Variants in FAM174A observed in about 807,000 individuals in gnomAD.
The protein encoded by FAM174A is family with sequence similarity 174 member A.
Under a neutral mutation model 14.3 loss-of-function variants are expected in FAM174A, and 14 were observed. That is an observed-to-expected ratio of 0.98 (90% confidence interval 0.65 to 1.53). FAM174A has a LOEUF of 1.53. Among genes scored for constraint, FAM174A ranks in the 40% most tolerant of loss-of-function variants. FAM174A has a pLI of 0.00. For synonymous variants in FAM174A, 108 were observed against 111.4 expected (o/e 0.97, Z 0.19); for missense variants, 241 against 249.6 (o/e 0.97, Z 0.23).
At chr5:100,546,823 T>G (rs1182913334) in intron 1 of FAM174A, among the ~76,000 whole-genome samples, 1 of 152,206 alleles carries the variant, frequency 6.6e-6, no homozygotes, top group African/African-American at 2.4e-5. Flanking sequence ...TTACCTGTTC[T>G]TATTTTCTTC....
At chr5:100,566,848 T>G (rs1023998389) in intron 2 of FAM174A, among the ~76,000 whole-genome samples, 1 of 151,842 alleles carries the variant, frequency 6.6e-6, no homozygotes, top group African/African-American at 2.4e-5. Flanking sequence ...TTTTGAAAAT[T>G]TTAAGACAAG....
At chr5:100,544,264 A>G (rs980436244) in intron 1 of FAM174A, among the ~76,000 whole-genome samples, 2 of 152,096 alleles carry the variant, frequency 1.3e-5, no homozygotes, top group African/African-American at 4.8e-5. Flanking sequence ...CAAGAAACTG[A>G]AGTGAATCAC....
At chr5:100,579,419 G>A (rs1305396361) in intron 2 of FAM174A, among the ~76,000 whole-genome samples, 3 of 151,882 alleles carry the variant, frequency 2.0e-5, no homozygotes, top group African/African-American at 7.2e-5. Context: ...GTGAAATTAT[G>A]TAGCGATTTT....
rs1452329848 is a variant in FAM174A, at chr5:100,535,552, T to C, written c.22T>C (p.Cys8Arg). 6.2e-7 allele frequency: 1 copy of C among 1,613,168 alleles called. No individual in the cohort carries two copies. The highest frequency in any genetic ancestry group is 1.1e-5 in the South Asian group (1 of 91,088). The change falls in exon 1 of 3, where the codon TGC becomes CGC. Residue 8 changes from cysteine (C) to arginine (R), a missense_variant. By Grantham distance (180) the Cys-to-Arg change is radical. Coordinates refer to ENST00000312637, the MANE Select transcript of FAM174A (RefSeq NM_198507.3). ...AACGATGAAGGCCTCGCAGTGCTGC[T>C]GCTGTCTCAGCCACCTCTTGGCTTC... MKASQCC[C>R]CLSHLLASVL...
At position 100,562,131 on chromosome 5, in the gene FAM174A, T is replaced by C. The variant is rs1746537026; in HGVS notation, c.512T>C (p.Leu171Ser). Residue 171 changes from leucine to serine, a missense_variant, in exon 2 of 3, where the codon TTA becomes TCA. Physicochemically the swap from Leu to Ser is moderately radical, Grantham distance 145. Coordinates refer to ENST00000312637, the MANE Select transcript of FAM174A (RefSeq NM_198507.3). ...ATAGAAAATATGGAATTGACACCTT[T>C]AGAACAGGATGATGAGGATGATGAC... is the stretch of plus-strand genomic sequence containing the variant. ...TNIENMELTP[L>S]EQDDEDDDNT... 6.3e-7 allele frequency: 1 copy of C among 1,589,500 alleles called. No homozygotes were observed. The highest frequency in any genetic ancestry group is 1.4e-5 in the African/African-American group (1 of 72,738).
intron 1 of FAM174A, among the ~76,000 whole-genome samples, chr5:100,559,951 C>T (rs1338524595): frequency 6.6e-6 from 1 of 151,366 alleles, no homozygotes. Flanking sequence ...CTCAACTCGT[C>T]AAAGTCATTC....
intron 2 of FAM174A, among the ~76,000 whole-genome samples, chr5:100,565,176 T>C (rs1269473439): frequency 2.0e-5 from 3 of 151,838 alleles, no homozygotes; most frequent in Non-Finnish European, 4.4e-5. Flanking sequence ...TTAAGTGGGA[T>C]TTGTCCCTGG....
At chr5:100,582,372 A>C (rs1747036678) in intron 2 of FAM174A, among the ~76,000 whole-genome samples, 1 of 152,152 alleles carries the variant, frequency 6.6e-6, no homozygotes, top group South Asian at 2.1e-4. Flanking sequence ...GATAAGATGA[A>C]AAAGAGCATT....
chr5:100,579,890 A>G (rs1196701616), intron 2 of FAM174A, among the ~76,000 whole-genome samples: 1 of 152,122 alleles, frequency 6.6e-6, no homozygotes, highest in East Asian at 1.9e-4. Flanking sequence ...TATCCAGGGT[A>G]TCTTTCCATC....
chr5:100,535,733 G>A lies in FAM174A; in HGVS notation c.203G>A (p.Arg68His), dbSNP rs1353013476. 2 of 1,604,410 alleles carry A rather than the reference G, an allele frequency of 1.2e-6. No homozygotes were observed. Among genetic ancestry groups the A allele is most frequent in the African/African-American group, 1.3e-5 (1 of 74,946 alleles). ...PGPTPAQQPG[R>H]GLAEAAGPRG... is the part of the protein sequence containing the mutation. ...CCTACCCCTGCCCAGCAGCCGGGCC[G>A]TGGTCTGGCTGAAGCTGCGGGGCCG... Residue 68 changes from arginine to histidine, a missense_variant, in exon 1 of 3, where the codon CGT becomes CAT. Arg to His is a conservative substitution (Grantham distance 29). Transcript: ENST00000312637.
intron 1 of FAM174A, among the ~76,000 whole-genome samples, chr5:100,548,767 C>T (rs1453805684): frequency 6.6e-6 from 1 of 152,082 alleles, no homozygotes; most frequent in Non-Finnish European, 1.5e-5. Flanking sequence ...GGCATATGTG[C>T]ATGCGCAGAA....
intron 2 of FAM174A, among the ~76,000 whole-genome samples, chr5:100,575,990 A>G (rs1259818922): frequency 1.3e-5 from 2 of 152,194 alleles, no homozygotes; most frequent in East Asian, 1.9e-4. Flanking sequence ...TCCAAATTCT[A>G]TCCACAGAAT....
chr5:100,557,030 A>G (rs1561316909), intron 1 of FAM174A, among the ~76,000 whole-genome samples: 2 of 152,168 alleles, frequency 1.3e-5, no homozygotes, highest in Non-Finnish European at 2.9e-5. Flanking sequence ...CAGTTTTCAA[A>G]GGGAATGCTT....
chr5:100,571,691 T>TATATAC (rs1320690709), intron 2 of FAM174A, among the ~76,000 whole-genome samples: 35 of 146,600 alleles, frequency 2.4e-4, no homozygotes, highest in African/African-American at 8.7e-4. Flanking sequence ...TATATATATA[T>TATATAC]ACACACACAC....
chr5:100,551,832 G>C (rs145411418), intron 1 of FAM174A, among the ~76,000 whole-genome samples: 4 of 152,074 alleles, frequency 2.6e-5, no homozygotes, highest in Non-Finnish European at 5.9e-5. Context: ...GCCTGTGTGC[G>C]TGTCTGTCTC....
rs115578691 is a variant in FAM174A, at chr5:100,554,923, G to A, written c.435-7131G>A. 6.9e-3 allele frequency among the ~76,000 whole-genome samples: 1,045 copies of A among 151,794 alleles called. 15 individuals are homozygous for A. The highest frequency in any genetic ancestry group is 0.024 in the African/African-American group (1,001 of 41,424). ...TTTTTTTAAATTTTGGATGGGTTGC[G>A]TAGCTTCTTTTTTTTTAATTATACT... On this transcript the variant is annotated intron_variant, in intron 1 of 2. Transcript: ENST00000312637.
chr5:100,539,587 A>G lies in FAM174A; in HGVS notation c.434+3623A>G, dbSNP rs547312210. On this transcript the variant is annotated intron_variant, in intron 1 of 2. Transcript: ENST00000312637. Reference sequence around the variant, plus strand: ...TACCGCATACTTTATGTGCATTTTGAAATTCTTGCAAAAACCTTCAAAGTA... The same window carrying G: ...TACCGCATACTTTATGTGCATTTTGGAATTCTTGCAAAAACCTTCAAAGTA... 5.3e-5 allele frequency among the ~76,000 whole-genome samples: 8 copies of G among 152,244 alleles called. No individual in the cohort carries two copies. The South Asian group carries it at 1.7e-3, about 32-fold the overall frequency.
intron 2 of FAM174A, among the ~76,000 whole-genome samples, chr5:100,573,451 A>G (rs1418241526): frequency 1.3e-5 from 2 of 152,100 alleles, no homozygotes; most frequent in East Asian, 3.9e-4. Context: ...GAAGGGATCC[A>G]GTTTCAGCTT....
chr5:100,561,829 G>A (rs1296572863), intron 1 of FAM174A, among the ~76,000 whole-genome samples: 1 of 151,822 alleles, frequency 6.6e-6, no homozygotes, highest in Non-Finnish European at 1.5e-5. Context: ...ACAGAGAGAA[G>A]AGAGTATGTC....
Sources: gnomAD v4.1 joint callset for allele counts (sites outside exome capture counted in the v4.1 genomes callset) on GRCh38, gnomAD v4.1.1 for gene constraint, MANE v1.5 for transcripts, NCBI Gene and HGNC (gene_info 2026-07-23, HGNC 2026-07-21) for gene names.